The following KCND2 variants were observed in gnomAD, a reference collection of about 807,000 sequenced individuals.
KCND2 encodes potassium voltage-gated channel subfamily D member 2.
KCND2 carries 16 observed loss-of-function variants against 54.4 expected under a neutral mutation model. The observed-to-expected ratio is 0.29, with a 90% CI of 0.20 to 0.45. The LOEUF (loss-of-function observed/expected upper bound fraction) is 0.45, where lower values mean the gene tolerates loss of function less well. Among genes scored for constraint, KCND2 ranks in the 20% least tolerant of loss-of-function variants. KCND2 has a pLI of 1.00. For synonymous variants in KCND2, 317 were observed against 310.7 expected (o/e 1.02, Z -0.21); for missense variants, 486 against 824.2 (o/e 0.59, Z 5.02).
At chr7:120,728,079 A>G (rs951166670) in intron 1 of KCND2, among the ~76,000 whole-genome samples, 5 of 146,646 alleles carry the variant, frequency 3.4e-5, no homozygotes, top group Non-Finnish European at 7.5e-5. Flanking sequence ...GGTTGCAGTG[A>G]GCCGAGATGG....
intron 1 of KCND2, among the ~76,000 whole-genome samples, chr7:120,706,316 A>G (rs1240289082): frequency 6.6e-6 from 1 of 152,168 alleles, no homozygotes; most frequent in African/African-American, 2.4e-5. Flanking sequence ...GTGCTGCTAC[A>G]ACAGAATATC....
chr7:120,423,650 G>C (rs1343780996), intron 1 of KCND2, among the ~76,000 whole-genome samples: 1 of 152,148 alleles, frequency 6.6e-6, no homozygotes, highest in Non-Finnish European at 1.5e-5. Context: ...TGGACTAACT[G>C]GTCTTCTTTT....
In KCND2 at chr7:120,405,085, C is replaced by T. The variant is rs137939453; in HGVS notation, c.1115+129338C>T. Among the ~76,000 whole-genome samples, 237 of 152,128 alleles carry T rather than the reference C, an allele frequency of 1.6e-3. 2 individuals carry two copies. In the East Asian group the frequency reaches 0.025, roughly 16 times the overall value. On this transcript the variant is annotated intron_variant, in intron 1 of 5. Coordinates refer to ENST00000331113, the MANE Select transcript of KCND2 (RefSeq NM_012281.3). ...AATTGTCAGATTTGTGATTTAAGTA[C>T]TTCCATTTATATTTTATGAATTATC...
At chr7:120,382,099 G>A (rs957418486) in intron 1 of KCND2, among the ~76,000 whole-genome samples, 8 of 151,734 alleles carry the variant, frequency 5.3e-5, no homozygotes, top group African/African-American at 1.9e-4. Context: ...AGCTTATTTG[G>A]AAGCATATTC....
chr7:120,484,598 C>G (rs1473883592), intron 1 of KCND2, among the ~76,000 whole-genome samples: 3 of 151,204 alleles, frequency 2.0e-5, no homozygotes, highest in Admixed American at 6.6e-5. Flanking sequence ...AAAAGTAAAG[C>G]TACCAAAATG....
At chr7:120,332,319 T>G (rs1437652935) in intron 1 of KCND2, among the ~76,000 whole-genome samples, 1 of 152,114 alleles carries the variant, frequency 6.6e-6, no homozygotes, top group Non-Finnish European at 1.5e-5. Flanking sequence ...TATTATGAAT[T>G]CCTATTGCAG....
intron 1 of KCND2, among the ~76,000 whole-genome samples, chr7:120,431,530 T>G (rs150870224): frequency 3.0e-4 from 46 of 152,220 alleles, no homozygotes; most frequent in Non-Finnish European, 5.3e-4. Context: ...GCACATGAAT[T>G]CTCCACACGT....
chr7:120,615,915 A>T (rs1427834811), intron 1 of KCND2, among the ~76,000 whole-genome samples: 1 of 152,182 alleles, frequency 6.6e-6, no homozygotes, highest in Non-Finnish European at 1.5e-5. Flanking sequence ...TCCATGGTCA[A>T]CTTGTGTCTG....
chr7:120,508,077 T>C (rs1803055682), intron 1 of KCND2, among the ~76,000 whole-genome samples: 1 of 151,858 alleles, frequency 6.6e-6, no homozygotes, highest in South Asian at 2.1e-4. Flanking sequence ...TTAGCTGCCG[T>C]GAAAACTAAG....
chr7:120,480,684 C>G (rs1210842479), intron 1 of KCND2, among the ~76,000 whole-genome samples: 1 of 152,172 alleles, frequency 6.6e-6, no homozygotes, highest in African/African-American at 2.4e-5. Context: ...TTCCTGTTTT[C>G]CACCATGGGA....
intron 1 of KCND2, among the ~76,000 whole-genome samples, chr7:120,512,044 A>G (rs1803123664): frequency 6.6e-6 from 1 of 152,140 alleles, no homozygotes. Context: ...AGCATTATTT[A>G]TTCATACCAA....
intron 1 of KCND2, among the ~76,000 whole-genome samples, chr7:120,329,034 G>T (rs1469894680): frequency 6.6e-6 from 1 of 151,574 alleles, no homozygotes; most frequent in African/African-American, 2.4e-5. Flanking sequence ...ATAATGGGCA[G>T]CTACTGCAAT....
intron 1 of KCND2, among the ~76,000 whole-genome samples, chr7:120,453,203 C>T (rs1424292777): frequency 6.6e-6 from 1 of 152,178 alleles, no homozygotes; most frequent in Non-Finnish European, 1.5e-5. Flanking sequence ...GCCTCTTCTC[C>T]CCCACCACTG....
At chr7:120,395,164 T>C (rs1343911515) in intron 1 of KCND2, among the ~76,000 whole-genome samples, 1 of 152,072 alleles carries the variant, frequency 6.6e-6, no homozygotes, top group African/African-American at 2.4e-5. Context: ...ATAACTGTTT[T>C]GTGTCTTTTC....
At chr7:120,613,470 G>T (rs1295915677) in intron 1 of KCND2, among the ~76,000 whole-genome samples, 6 of 152,234 alleles carry the variant, frequency 3.9e-5, no homozygotes, top group Admixed American at 6.5e-5. Context: ...GGCGGGGGTT[G>T]CTGTGGGCCG....
chr7:120,433,578 G>A (rs1181763246), intron 1 of KCND2, among the ~76,000 whole-genome samples: 1 of 152,152 alleles, frequency 6.6e-6, no homozygotes. Context: ...ACCCCTTGGT[G>A]TAAAAAATAC....
intron 1 of KCND2, among the ~76,000 whole-genome samples, chr7:120,341,469 A>C (rs1359552875): frequency 1.3e-5 from 2 of 152,144 alleles, no homozygotes; most frequent in South Asian, 4.1e-4. Context: ...GGGCCTTGAA[A>C]AATATGCGGG....
chr7:120,453,180 G>A (rs137946637), intron 1 of KCND2, among the ~76,000 whole-genome samples: 4 of 152,322 alleles, frequency 2.6e-5, no homozygotes, highest in African/African-American at 9.6e-5. Flanking sequence ...GTGCATGTGT[G>A]TAGGCAGACC....
chr7:120,594,072 G>A (rs1182036946), intron 1 of KCND2, among the ~76,000 whole-genome samples: 1 of 152,120 alleles, frequency 6.6e-6, no homozygotes, highest in African/African-American at 2.4e-5. Flanking sequence ...TTGGAACTCT[G>A]ATACATAAAG....
Sources: gnomAD v4.1 joint callset for allele counts (sites outside exome capture counted in the v4.1 genomes callset) on GRCh38, gnomAD v4.1.1 for gene constraint, MANE v1.5 for transcripts, NCBI Gene and HGNC (gene_info 2026-07-23, HGNC 2026-07-21) for gene names.